Variants in RIMS2 observed in about 807,000 individuals in gnomAD.
The protein encoded by RIMS2 is regulating synaptic membrane exocytosis 2, also known as regulating synaptic membrane exocytosis protein 2.
A neutral mutation model predicts 174.4 loss-of-function variants in RIMS2; 59 were observed. The observed-to-expected ratio is 0.34, with a 90% CI of 0.27 to 0.42. The LOEUF (loss-of-function observed/expected upper bound fraction) is 0.42, where lower values mean the gene tolerates loss of function less well. RIMS2 is among the 10% of genes least tolerant of loss of function. The pLI, the probability that RIMS2 is intolerant of heterozygous loss-of-function variation, is 1.00. For synonymous variants in RIMS2, 606 were observed against 572.5 expected (o/e 1.06, Z -0.84); for missense variants, 1,620 against 1,666.3 (o/e 0.97, Z 0.48).
At chr8:103,502,007 T>C (rs1308435503) in intron 1 of RIMS2, among the ~76,000 whole-genome samples, 1 of 152,248 alleles carries the variant, frequency 6.6e-6, no homozygotes, top group Non-Finnish European at 1.5e-5. Flanking sequence ...CTTTTGAATG[T>C]TTTATGGTTA....
intron 2 of RIMS2, among the ~76,000 whole-genome samples, chr8:103,708,404 G>C (rs2097260402): frequency 6.6e-6 from 1 of 152,110 alleles, no homozygotes; most frequent in South Asian, 2.1e-4. Context: ...GGTGAGGAGT[G>C]GTGTAGACAG....
At chr8:103,717,686 GTCT>G (rs2097389971) in intron 2 of RIMS2, among the ~76,000 whole-genome samples, 2 of 152,106 alleles carry the variant, frequency 1.3e-5, no homozygotes, top group African/African-American at 4.8e-5. Flanking sequence ...TAATATAACA[GTCT>G]ATATTTCAAA....
At chr8:103,643,744 G>T (rs1452712405) in intron 1 of RIMS2, among the ~76,000 whole-genome samples, 1 of 151,952 alleles carries the variant, frequency 6.6e-6, no homozygotes, top group Admixed American at 6.6e-5. Context: ...TGATTTGGTG[G>T]TAAGTGTAGA....
chr8:103,804,961 T>G (rs1307734367), intron 3 of RIMS2, among the ~76,000 whole-genome samples: 2 of 152,126 alleles, frequency 1.3e-5, no homozygotes, highest in East Asian at 3.9e-4. Flanking sequence ...CACACCCAGC[T>G]AATTTTTTAT....
At chr8:104,200,990 G>A (rs1369583119) in intron 19 of RIMS2, among the ~76,000 whole-genome samples, 1 of 152,150 alleles carries the variant, frequency 6.6e-6, no homozygotes, top group Non-Finnish European at 1.5e-5. Flanking sequence ...TCTCAACTTT[G>A]ATTTTAGGTT....
At chr8:103,604,316 C>T (rs999869634) in intron 1 of RIMS2, among the ~76,000 whole-genome samples, 66 of 151,588 alleles carry the variant, frequency 4.4e-4, no homozygotes, top group Non-Finnish European at 5.3e-4. Flanking sequence ...TGTTGATATG[C>T]GGCGTTATTT....
chr8:103,698,952 AT>A (rs1303631253), intron 2 of RIMS2, among the ~76,000 whole-genome samples: 4 of 151,974 alleles, frequency 2.6e-5, no homozygotes, highest in Non-Finnish European at 4.4e-5. Flanking sequence ...GAACTGGTAG[AT>A]TACACCAGTG....
intron 19 of RIMS2, among the ~76,000 whole-genome samples, chr8:104,145,446 C>A (rs948910940): frequency 7.2e-5 from 11 of 152,100 alleles, no homozygotes; most frequent in Non-Finnish European, 1.2e-4. Context: ...ATTACAAATT[C>A]TTTACTCCAA....
intron 19 of RIMS2, among the ~76,000 whole-genome samples, chr8:104,137,429 T>C (rs1321903764): frequency 6.6e-6 from 1 of 152,192 alleles, no homozygotes; most frequent in East Asian, 1.9e-4. Flanking sequence ...TTTTAAAGAT[T>C]AACTCATTTA....
chr8:104,064,986 GA>G lies in RIMS2; in HGVS notation c.3334+50375del, dbSNP rs2097079080. Among the ~76,000 whole-genome samples, 4 of 152,018 alleles carry G rather than the reference GA, an allele frequency of 2.6e-5. No homozygotes were observed. The South Asian group carries it at 6.2e-4, about 24-fold the overall frequency. ...AATAAACATAGTTCATCACATATAA[GA>G]AAATTAATCTTAGAGATTCCTAGAT... is the stretch of plus-strand genomic sequence containing the variant. On this transcript the variant is annotated intron_variant, in intron 19 of 23. Transcript: ENST00000504942.
chr8:104,236,440 T>G (rs1315190041), intron 19 of RIMS2, among the ~76,000 whole-genome samples: 1 of 152,064 alleles, frequency 6.6e-6, no homozygotes, highest in African/African-American at 2.4e-5. Flanking sequence ...TTAATTGAGT[T>G]TTTTTGAAAC....
chr8:104,044,495 G>A (rs1566005858), intron 19 of RIMS2, among the ~76,000 whole-genome samples: 2 of 149,896 alleles, frequency 1.3e-5, no homozygotes, highest in African/African-American at 4.9e-5. Context: ...ACTCCAAAGA[G>A]GAGAGGATTA....
chr8:103,568,996 CT>C (rs1374075062), intron 1 of RIMS2: 4 of 500,760 alleles, frequency 8.0e-6, no homozygotes, highest in Non-Finnish European at 1.4e-5. Context: ...TCCTATCGCT[CT>C]TTTCACTTTC....
exon 10 of RIMS2, chr8:103,921,709 T>A: frequency 6.4e-7 from 1 of 1,565,134 alleles, no homozygotes; most frequent in African/African-American, 1.4e-5. Context: ...TGGATCGTCC[T>A]TCTATTTCTG....
chr8:103,769,314 G>GT (rs1427750895), intron 3 of RIMS2, among the ~76,000 whole-genome samples: 2 of 151,990 alleles, frequency 1.3e-5, no homozygotes, highest in Non-Finnish European at 2.9e-5. Flanking sequence ...TGTAATCTTT[G>GT]TTTTTTGTTT....
intron 1 of RIMS2, among the ~76,000 whole-genome samples, chr8:103,682,992 C>T (rs1260801371): frequency 2.6e-5 from 4 of 152,132 alleles, no homozygotes; most frequent in Non-Finnish European, 5.9e-5. Context: ...ATTTAACTGG[C>T]CTACTCTTGT....
intron 1 of RIMS2, among the ~76,000 whole-genome samples, 162 bp from the exon 3 acceptor site, chr8:103,652,462 A>G (rs796212690): frequency 1.5e-4 from 23 of 152,320 alleles, no homozygotes; most frequent in African/African-American, 5.1e-4. Context: ...AAGTGTTCAA[A>G]TTTAATTTCC....
chr8:103,675,881 CTCTA>C (rs2096803361), intron 1 of RIMS2, among the ~76,000 whole-genome samples: 1 of 152,032 alleles, frequency 6.6e-6, no homozygotes. Flanking sequence ...TCTCTATTTA[CTCTA>C]TCAGTCTTAC....
At chr8:104,024,016 G>C (rs959206770) in intron 19 of RIMS2, among the ~76,000 whole-genome samples, 1 of 152,154 alleles carries the variant, frequency 6.6e-6, no homozygotes, top group Non-Finnish European at 1.5e-5. Context: ...TTTCAGTGGA[G>C]TGATAAGGGC....
Sources: gnomAD v4.1 joint callset for allele counts (sites outside exome capture counted in the v4.1 genomes callset) on GRCh38, gnomAD v4.1.1 for gene constraint, MANE v1.5 for transcripts, NCBI Gene and HGNC (gene_info 2026-07-23, HGNC 2026-07-21) for gene names.